The following ENPP1 variants were observed in gnomAD, a reference collection of about 807,000 sequenced individuals.
ENPP1 encodes ectonucleotide pyrophosphatase/phosphodiesterase family member 1.
ENPP1 carries 73 observed loss-of-function variants against 122.8 expected under a neutral mutation model. The ratio of observed to expected loss-of-function variants is 0.59; its 90% CI spans 0.49 to 0.72. The LOEUF (loss-of-function observed/expected upper bound fraction) is 0.72, where lower values mean the gene tolerates loss of function less well. Among genes scored for constraint, ENPP1 ranks in the 30% least tolerant of loss-of-function variants. The probability of loss-of-function intolerance (pLI) is 0.00; values close to 1 mark genes in which losing one functional copy is unlikely to be tolerated. For synonymous variants in ENPP1, 367 were observed against 391.6 expected (o/e 0.94, Z 0.74); for missense variants, 978 against 1,128.1 (o/e 0.87, Z 1.91).
chr6:131,842,275 G>A (rs549703358), intron 1 of ENPP1, among the ~76,000 whole-genome samples: 1 of 152,328 alleles, frequency 6.6e-6, no homozygotes, highest in South Asian at 2.1e-4. Context: ...GATTGTTGTT[G>A]TTATTTTCTC....
intron 10 of ENPP1, 57 bp from the exon 11 acceptor site, chr6:131,864,809 C>T: frequency 8.8e-7 from 1 of 1,135,196 alleles, no homozygotes; most frequent in South Asian, 1.2e-5. Flanking sequence ...ATTATTTTTT[C>T]CATTCTGTTT....
At chr6:131,847,935 A>T in intron 2 of ENPP1, 87 bp downstream of exon 2, 2 of 1,019,614 alleles carry the variant, frequency 2.0e-6, no homozygotes, top group Non-Finnish European at 3.0e-6. Context: ...ATTGAGGTAA[A>T]CATTATCTCC....
At chr6:131,854,036 A>G (rs189252298) in intron 5 of ENPP1, among the ~76,000 whole-genome samples, 38 of 152,144 alleles carry the variant, frequency 2.5e-4, no homozygotes, top group African/African-American at 8.4e-4. Flanking sequence ...TGTTGTTTAT[A>G]TATTTAAATA....
intron 1 of ENPP1, among the ~76,000 whole-genome samples, chr6:131,811,434 A>ATCTATATCTATATCTGTATCTATATC (rs567977915): frequency 6.8e-6 from 1 of 147,888 alleles, no homozygotes; most frequent in African/African-American, 2.6e-5. Flanking sequence ...CTATATCTAT[A>ATCTATATCTATATCTGTATCTATATC]TATATGTAGA....
At chr6:131,809,108 C>T (rs377006207) in intron 1 of ENPP1, among the ~76,000 whole-genome samples, 2 of 152,114 alleles carry the variant, frequency 1.3e-5, no homozygotes, top group African/African-American at 4.8e-5. Flanking sequence ...GGGACAACAT[C>T]AACTCCCTTG....
At chr6:131,825,934 G>A (rs1001576640) in intron 1 of ENPP1, 6 of 456,520 alleles carry the variant, frequency 1.3e-5, no homozygotes, top group African/African-American at 3.9e-5. Context: ...TAAAGCCCTG[G>A]AGCATACTTT....
intron 9 of ENPP1, among the ~76,000 whole-genome samples, chr6:131,862,257 G>T (rs1782034637): frequency 6.6e-6 from 1 of 152,132 alleles, no homozygotes; most frequent in Non-Finnish European, 1.5e-5. Flanking sequence ...CCGATAACGT[G>T]TTTAGTTCAG....
intron 20 of ENPP1, among the ~76,000 whole-genome samples, chr6:131,882,102 A>G (rs1782318732): frequency 6.6e-6 from 1 of 151,946 alleles, no homozygotes; most frequent in African/African-American, 2.4e-5. Context: ...ATTATTTCAT[A>G]TTAGCATAGC....
At chr6:131,854,051 A>G (rs1036891086) in intron 5 of ENPP1, among the ~76,000 whole-genome samples, 2 of 152,162 alleles carry the variant, frequency 1.3e-5, no homozygotes, top group Non-Finnish European at 2.9e-5. Flanking sequence ...TAAATATAGT[A>G]TCTCTCAAAC....
chr6:131,852,931 A>G (rs1457598267), intron 5 of ENPP1, among the ~76,000 whole-genome samples: 6 of 152,070 alleles, frequency 3.9e-5, no homozygotes, highest in Non-Finnish European at 8.8e-5. Flanking sequence ...TCTTCCATAT[A>G]TGACACCATC....
chr6:131,841,259 C>G (rs1322098019), intron 1 of ENPP1, among the ~76,000 whole-genome samples: 12 of 152,138 alleles, frequency 7.9e-5, no homozygotes, highest in African/African-American at 2.4e-5. Flanking sequence ...TCAATAGGAT[C>G]GAATCCCCAT....
chr6:131,845,502 G>A (rs1781798250), intron 1 of ENPP1, among the ~76,000 whole-genome samples: 2 of 146,716 alleles, frequency 1.4e-5, no homozygotes. Context: ...TGTCGCCCAG[G>A]CTGGAGTGCA....
intron 1 of ENPP1, among the ~76,000 whole-genome samples, chr6:131,838,364 C>G (rs570095852): frequency 6.6e-6 from 1 of 151,818 alleles, no homozygotes; most frequent in Non-Finnish European, 1.5e-5. Flanking sequence ...TGCAGACTAA[C>G]GAATACTGAG....
At chr6:131,866,872 TA>T (rs1782098179) in intron 11 of ENPP1, among the ~76,000 whole-genome samples, 1 of 152,368 alleles carries the variant, frequency 6.6e-6, no homozygotes, top group African/African-American at 2.4e-5. Context: ...GTGTGATTTT[TA>T]CTCTTTCACT....
At chr6:131,887,877 T>C (rs1782406798) in intron 24 of ENPP1, among the ~76,000 whole-genome samples, 1 of 144,568 alleles carries the variant, frequency 6.9e-6, no homozygotes, top group Non-Finnish European at 1.5e-5. Flanking sequence ...TTTTTTTTTT[T>C]TTTTTTGGAG....
chr6:131,875,565 A>G (rs1782219991), intron 16 of ENPP1, among the ~76,000 whole-genome samples: 1 of 152,238 alleles, frequency 6.6e-6, no homozygotes, highest in Admixed American at 6.5e-5. Flanking sequence ...CAAGAATTGT[A>G]GTAAAACTAA....
chr6:131,814,774 A>C (rs1358290580), intron 1 of ENPP1, among the ~76,000 whole-genome samples: 1 of 152,224 alleles, frequency 6.6e-6, no homozygotes, highest in Non-Finnish European at 1.5e-5. Flanking sequence ...TTAAGAGGCC[A>C]GAGAAGTGTT....
intron 1 of ENPP1, among the ~76,000 whole-genome samples, chr6:131,809,944 A>G (rs1660810262): frequency 1.3e-5 from 2 of 152,248 alleles, no homozygotes; most frequent in African/African-American, 4.8e-5. Flanking sequence ...ACTTACTTCC[A>G]CAAGTAGGAC....
rs73537685 is a variant in ENPP1, at chr6:131,823,167, A to G, written c.240+14892A>G. Among the ~76,000 whole-genome samples the G allele has an allele frequency of 1.5e-3, 226 of 152,252 alleles. 1 individual carries two copies. Among genetic ancestry groups the G allele is most frequent in the African/African-American group, 5.0e-3 (209 of 41,558 alleles). On this transcript the variant is annotated intron_variant, in intron 1 of 24. Coordinates refer to ENST00000647893, the MANE Select transcript of ENPP1 (RefSeq NM_006208.3). ...TAGACCCTTGCTGGTAGTAAGTGCT[A>G]TGTGTGTTTGTTAAATACATACATA... is the stretch of plus-strand genomic sequence containing the variant.
Sources: allele counts gnomAD v4.1 joint callset (sites outside exome capture counted in the v4.1 genomes callset), GRCh38; gene constraint gnomAD v4.1.1; transcripts MANE v1.5; gene names NCBI Gene and HGNC (gene_info 2026-07-23, HGNC 2026-07-21).